Variants in MSH3 observed in about 807,000 individuals in gnomAD.
MSH3 encodes mutS homolog 3, also known as DNA mismatch repair protein Msh3.
In MSH3, 106 loss-of-function variants were observed where a neutral mutation model predicts 123.3. The ratio of observed to expected loss-of-function variants is 0.86; its 90% CI spans 0.73 to 1.01. The LOEUF (loss-of-function observed/expected upper bound fraction) is 1.01, where lower values mean the gene tolerates loss of function less well. Ranked by LOEUF, MSH3 falls within the 50% of genes least tolerant of loss-of-function variation. MSH3 has a pLI of 0.00. For synonymous variants in MSH3, 515 were observed against 481.4 expected (o/e 1.07, Z -0.91); for missense variants, 1,459 against 1,347.6 (o/e 1.08, Z -1.29).
intron 16 of MSH3, among the ~76,000 whole-genome samples, chr5:80,778,113 TCTA>T (rs1744337766): frequency 1.3e-5 from 2 of 152,162 alleles, no homozygotes; most frequent in South Asian, 4.1e-4. Flanking sequence ...CCTGTTGTGC[TCTA>T]GCTACTGAAC....
In MSH3 at chr5:80,665,378, T is replaced by C. The variant is rs897270856; in HGVS notation, c.579+15T>C. 8 of 1,577,900 alleles carry C rather than the reference T, an allele frequency of 5.1e-6. No homozygotes were observed. Among genetic ancestry groups the C allele is most frequent in the South Asian group, 1.1e-5 (1 of 89,590 alleles). ...TTAATCAAAAGGTATGTAACTGCTA[T>C]AGATGAGTATCCAGTTACCTAGAAT... On this transcript the variant is annotated intron_variant, in intron 3 of 23. Coordinates refer to ENST00000265081, the MANE Select transcript of MSH3 (RefSeq NM_002439.5).
intron 10 of MSH3, among the ~76,000 whole-genome samples, chr5:80,739,898 G>A (rs1437824041): frequency 6.6e-6 from 1 of 152,190 alleles, no homozygotes; most frequent in Non-Finnish European, 1.5e-5. Flanking sequence ...AAAGTTCTGG[G>A]TGAGGGCTTG....
chr5:80,717,182 A>G (rs1395952465), intron 8 of MSH3, among the ~76,000 whole-genome samples: 2 of 152,214 alleles, frequency 1.3e-5, no homozygotes, highest in African/African-American at 4.8e-5. Flanking sequence ...GAATGCAGAT[A>G]TCTTTTTGAC....
chr5:80,698,492 T>C (rs1750534055), intron 8 of MSH3, among the ~76,000 whole-genome samples: 1 of 152,154 alleles, frequency 6.6e-6, no homozygotes, highest in Non-Finnish European at 1.5e-5. Context: ...CATGCTAGTT[T>C]GCTAGAGGGG....
At chr5:80,668,110 G>A (rs866562461) in intron 3 of MSH3, among the ~76,000 whole-genome samples, 3 of 152,306 alleles carry the variant, frequency 2.0e-5, no homozygotes, top group South Asian at 2.1e-4. Context: ...GAGAAGTGAT[G>A]AGCCTTCAGC....
chr5:80,875,745 C>T lies in MSH3; in HGVS notation c.3303-6C>T, dbSNP rs1326970747. On this transcript the variant is annotated splice_polypyrimidine_tract_variant and splice_region_variant and intron_variant, in intron 23 of 23. Coordinates refer to ENST00000265081, the MANE Select transcript of MSH3 (RefSeq NM_002439.5). ...ATTAAATAAGTAGTATTTGATTTTT[C>T]CCCAGAAAGAGACTCAAGTATTTTG... 6.4e-7 allele frequency: 1 copy of T among 1,559,618 alleles called. No homozygotes were observed. Among genetic ancestry groups the T allele is most frequent in the East Asian group, 2.2e-5 (1 of 44,572 alleles).
intron 22 of MSH3, among the ~76,000 whole-genome samples, chr5:80,872,305 T>C (rs1003791257): frequency 1.9e-4 from 28 of 150,062 alleles, no homozygotes; most frequent in African/African-American, 6.4e-4. Flanking sequence ...ACCCCATCTC[T>C]ACAAAAAAAA....
At chr5:80,845,067 C>T (rs2112095715) in intron 20 of MSH3, among the ~76,000 whole-genome samples, 1 of 152,196 alleles carries the variant, frequency 6.6e-6, no homozygotes, top group African/African-American at 2.4e-5. Flanking sequence ...TTTAGTGCTT[C>T]CTTTAGGAGC....
chr5:80,732,041 T>C (rs1338357624), intron 10 of MSH3, among the ~76,000 whole-genome samples: 1 of 152,192 alleles, frequency 6.6e-6, no homozygotes, highest in Non-Finnish European at 1.5e-5. Context: ...AAATATACCA[T>C]TTCAGAAATT....
rs149892459 is a variant in MSH3, at chr5:80,830,406, A to C, written c.2813+16665A>C. 1.8e-4 allele frequency among the ~76,000 whole-genome samples: 28 copies of C among 152,340 alleles called. No homozygotes were observed. The East Asian group carries it at 2.9e-3, about 16-fold the overall frequency. ...TCTAACATTTTATAGGAAGAAAAAC[A>C]GGATCAGAGAGAGATTTTGTTTTGC... is the stretch of plus-strand genomic sequence containing the variant. On this transcript the variant is annotated intron_variant, in intron 20 of 23. Coordinates refer to ENST00000265081, the MANE Select transcript of MSH3 (RefSeq NM_002439.5).
At chr5:80,798,225 G>C (rs748471602) in intron 19 of MSH3, among the ~76,000 whole-genome samples, 1 of 152,116 alleles carries the variant, frequency 6.6e-6, no homozygotes, top group Non-Finnish European at 1.5e-5. Flanking sequence ...GGGCAGGGTA[G>C]ACATTGAGAT....
intron 8 of MSH3, among the ~76,000 whole-genome samples, chr5:80,697,464 G>A (rs1194265965): frequency 6.6e-6 from 1 of 152,184 alleles, no homozygotes; most frequent in Non-Finnish European, 1.5e-5. Context: ...TCATAAATGT[G>A]TTGCAAAGAA....
chr5:80,744,398 G>GC (rs1294896262), intron 11 of MSH3, 108 bp from the exon 12 acceptor site: 2 of 761,218 alleles, frequency 2.6e-6, no homozygotes, highest in Non-Finnish European at 4.6e-6. Flanking sequence ...CCTGTTATGA[G>GC]CCACATTGTG....
chr5:80,819,295 T>C (rs1168962466), intron 20 of MSH3, among the ~76,000 whole-genome samples: 1 of 151,840 alleles, frequency 6.6e-6, no homozygotes, highest in Non-Finnish European at 1.5e-5. Flanking sequence ...GCTAAAAACA[T>C]ATGTATATAT....
chr5:80,860,153 CTATTAT>C (rs554252939), intron 21 of MSH3, among the ~76,000 whole-genome samples: 301 of 152,124 alleles, frequency 2.0e-3, no homozygotes, highest in African/African-American at 7.0e-3. Flanking sequence ...TACACTGTTG[CTATTAT>C]TATTGTGAAC....
chr5:80,827,362 C>T (rs931535748), intron 20 of MSH3, among the ~76,000 whole-genome samples: 7 of 152,182 alleles, frequency 4.6e-5, no homozygotes, highest in South Asian at 2.1e-4. Context: ...CAGAGTGGCA[C>T]GAGTGTGTTT....
intron 20 of MSH3, among the ~76,000 whole-genome samples, chr5:80,827,316 T>G (rs1745337240): frequency 6.6e-6 from 1 of 152,230 alleles, no homozygotes; most frequent in African/African-American, 2.4e-5. Flanking sequence ...ACAAACTCCC[T>G]CTTCTGACAC....
intron 19 of MSH3, among the ~76,000 whole-genome samples, chr5:80,801,208 T>G (rs755042313): frequency 8.5e-5 from 13 of 152,186 alleles, no homozygotes; most frequent in Non-Finnish European, 1.9e-4. Context: ...CTGTTTTACT[T>G]TTTATGACAG....
chr5:80,665,801 A>T (rs1040455268), intron 3 of MSH3, among the ~76,000 whole-genome samples: 1 of 152,218 alleles, frequency 6.6e-6, no homozygotes, highest in Admixed American at 6.5e-5. Flanking sequence ...CCAAATGAAC[A>T]TGGGCTTTTT....
Sources: gnomAD v4.1 joint callset for allele counts (sites outside exome capture counted in the v4.1 genomes callset) on GRCh38, gnomAD v4.1.1 for gene constraint, MANE v1.5 for transcripts, NCBI Gene and HGNC (gene_info 2026-07-23, HGNC 2026-07-21) for gene names.